The following LCP2 variants were observed in gnomAD, a reference collection of about 807,000 sequenced individuals.
LCP2 encodes the protein 76 kDa tyrosine phosphoprotein.
Under a neutral mutation model 74.5 loss-of-function variants are expected in LCP2, and 29 were observed. The ratio of observed to expected loss-of-function variants is 0.39; its 90% CI spans 0.29 to 0.53. The LOEUF (loss-of-function observed/expected upper bound fraction) is 0.53, where lower values mean the gene tolerates loss of function less well. LCP2 is among the 20% of genes least tolerant of loss of function. The probability of loss-of-function intolerance (pLI) is 0.72; values close to 1 mark genes in which losing one functional copy is unlikely to be tolerated. For synonymous variants in LCP2, 228 were observed against 229.5 expected (o/e 0.99, Z 0.06); for missense variants, 604 against 634.6 (o/e 0.95, Z 0.52).
At position 170,247,946 on chromosome 5, in the gene LCP2, A is replaced by G. The variant is rs1421217249; in HGVS notation, c.*751T>C. 6.6e-6 allele frequency: 1 copy of G among 152,214 alleles called. No homozygotes were observed. Among genetic ancestry groups the G allele is most frequent in the African/African-American group, 2.4e-5 (1 of 41,448 alleles). The allele number at this position is 152,214 out of a possible 1,614,324, so 9.4% of individuals were successfully genotyped here. A position where few individuals can be genotyped will look rare whatever the true frequency, so the allele number is the denominator to read the frequency against. ...AACCCCAGATGTGTTCATTAAACCT[A>G]GACCCACGATACACCAAAGTCTCAT... On this transcript the variant is annotated 3_prime_UTR_variant, in exon 21 of 21. Transcript: ENST00000046794.
At chr5:170,274,224 C>T in intron 6 of LCP2, 77 bp downstream of exon 6, 1 of 1,482,392 alleles carries the variant, frequency 6.7e-7, no homozygotes, top group South Asian at 1.2e-5. Flanking sequence ...CTTCACTTGG[C>T]TCCATCCTGG....
chr5:170,280,964 A>G (rs1220691507), intron 3 of LCP2, among the ~76,000 whole-genome samples: 1 of 152,192 alleles, frequency 6.6e-6, no homozygotes, highest in African/African-American at 2.4e-5. Context: ...AGATTGCGCC[A>G]CTGCACTCCA....
intron 6 of LCP2, among the ~76,000 whole-genome samples, chr5:170,272,592 ATTTTCTTTTTTTTTTTTT>A (rs1432515494): frequency 2.9e-5 from 1 of 34,312 alleles, no homozygotes; most frequent in Non-Finnish European, 6.8e-5. Context: ...CCCATCAAAT[ATTTTCTTTTTTTTTTTTT>A]TTTTTTTTTT....
intron 20 of LCP2, among the ~76,000 whole-genome samples, chr5:170,249,125 C>G (rs1337825717): frequency 1.3e-5 from 2 of 151,976 alleles, no homozygotes; most frequent in Non-Finnish European, 2.9e-5. Flanking sequence ...AGTTTGAGAC[C>G]AGCTTGACCA....
rs184907693 is a variant in LCP2 at position 170,274,543 on chromosome 5, G to A, written c.287-205C>T. ...GTGCTCATTCTACCAGAGAACCAGGGGGTGGCGATGGTTCTCAACCTTTCT... is the reference window on the plus strand; with the variant it reads ...GTGCTCATTCTACCAGAGAACCAGGAGGTGGCGATGGTTCTCAACCTTTCT... On this transcript the variant is annotated intron_variant, in intron 5 of 20. Coordinates refer to ENST00000046794, the MANE Select transcript of LCP2 (RefSeq NM_005565.5). Among the ~76,000 whole-genome samples the A allele has an allele frequency of 6.6e-3, 1,012 of 152,264 alleles. 6 individuals are homozygous for A. The highest frequency in any genetic ancestry group is 0.012 in the Admixed American group (178 of 15,284).
In LCP2 at chr5:170,275,337, C is replaced by A. The variant is rs779816058; in HGVS notation, c.269G>T (p.Arg90Leu). 1 of 1,613,978 alleles carries A rather than the reference C, an allele frequency of 6.2e-7. No homozygotes were observed. The highest frequency in any genetic ancestry group is 8.5e-7 in the Non-Finnish European group (1 of 1,179,874). Residue 90 changes from arginine (R) to leucine (L), a missense_variant, in exon 5 of 21, where the codon CGG becomes CTG. Transcript: ENST00000046794. The stretch of plus-strand genomic sequence containing the variant: ...AGCTTTACCTGTCTCTTCAGGAAAC[C>A]GCGGGACTTGGGGTCTGCAAAGGTA... ...SIFTRKPQVP[R>L]FPEETESHEE...
At position 170,297,688 on chromosome 5, in the gene LCP2, C is replaced by A. The variant is rs1461992200; in HGVS notation, c.-77G>T. ...TGGGCAGAGAAGCTCAAATCCAGAG[C>A]TCGGAGGCGTTCTTGGCTCTTCCAA... On this transcript the variant is annotated 5_prime_UTR_variant, in exon 1 of 21. Transcript: ENST00000046794. The A allele has an allele frequency of 5.4e-6, 7 of 1,298,118 alleles. No individual in the cohort carries two copies. In the African/African-American group the frequency reaches 8.8e-5, roughly 16 times the overall value. The allele number at this position is 1,298,118 out of a possible 1,614,324, so 80.4% of individuals were successfully genotyped here.
chr5:170,269,315 G>C (rs766462991), intron 7 of LCP2, among the ~76,000 whole-genome samples: 2 of 152,238 alleles, frequency 1.3e-5, no homozygotes, highest in Non-Finnish European at 2.9e-5. Context: ...TCAAGCAAGA[G>C]GGGTGAGTGG....
intron 16 of LCP2, among the ~76,000 whole-genome samples, chr5:170,257,658 A>G (rs1332140832): frequency 6.6e-6 from 1 of 152,128 alleles, no homozygotes; most frequent in Non-Finnish European, 1.5e-5. Flanking sequence ...CACGAGGCGC[A>G]TTTTCTCAGT....
Position 170,293,325 on chromosome 5 carries a change from A to G in LCP2, c.126T>C (p.Asp42=). Residue 42 remains aspartate (D), a synonymous_variant, in exon 2 of 21, where the codon GAT becomes GAC. Transcript: ENST00000046794. ...CAGAGCTTACCAAGAAGCGAGCCCCATCGATGTGGTACTTCTTCACTGCCT... is the reference window on the plus strand; with the variant it reads ...CAGAGCTTACCAAGAAGCGAGCCCCGTCGATGTGGTACTTCTTCACTGCCT... ...CEKAVKKYHI[D]GARFLNLTEN... is the part of the protein sequence containing the mutation. The G allele has an allele frequency of 1.9e-6, 3 of 1,607,862 alleles. No homozygotes were observed. Among genetic ancestry groups the G allele is most frequent in the Non-Finnish European group, 1.7e-6 (2 of 1,177,060 alleles).
intron 14 of LCP2, among the ~76,000 whole-genome samples, chr5:170,259,556 T>A (rs1302081003): frequency 2.0e-5 from 3 of 152,186 alleles, no homozygotes; most frequent in Admixed American, 2.0e-4. Flanking sequence ...CACCAACTAG[T>A]AGACCAAAAG....
Position 170,246,367 on chromosome 5 carries a change from G to A in LCP2, c.*2330C>T. On this transcript the variant is annotated 3_prime_UTR_variant, in exon 21 of 21. Transcript: ENST00000046794. ...CTTATGCTTGAATTTGGCTCAGGTT[G>A]AAAGAGAGCTACTAAATTATTAATT... 1 of 276,062 alleles carries A rather than the reference G, an allele frequency of 3.6e-6. No homozygotes were observed. 17.1% of individuals were successfully genotyped at this position (276,062 alleles called of 1,614,324 possible). A position where few individuals can be genotyped will look rare whatever the true frequency, so the allele number is the denominator to read the frequency against.
At chr5:170,297,469 C>A (rs573884329) in intron 1 of LCP2, 65 bp downstream of exon 1, 6 of 1,429,380 alleles carry the variant, frequency 4.2e-6, no homozygotes, top group Non-Finnish European at 4.8e-6. Context: ...ATTCCATCGT[C>A]AAGCCTCAGC....
chr5:170,284,864 C>T (rs1762157350), intron 3 of LCP2, among the ~76,000 whole-genome samples: 2 of 151,916 alleles, frequency 1.3e-5, no homozygotes, highest in Admixed American at 1.3e-4. Context: ...GATTCTCCTG[C>T]CTCAGCCTCT....
At chr5:170,250,109 G>A (rs1199778118) in intron 20 of LCP2, among the ~76,000 whole-genome samples, 1 of 152,158 alleles carries the variant, frequency 6.6e-6, no homozygotes, top group African/African-American at 2.4e-5. Context: ...CCTCCTCTTG[G>A]AACTTTGAAC....
At chr5:170,250,699 T>C (rs1248496046) in intron 20 of LCP2, 31 bp downstream of exon 20, 3 of 1,593,840 alleles carry the variant, frequency 1.9e-6, no homozygotes, top group East Asian at 2.2e-5. Context: ...AATAAAGACT[T>C]TGGGAAAATG....
At chr5:170,252,276 G>A in intron 19 of LCP2, 158 bp downstream of exon 19, 1 of 457,456 alleles carries the variant, frequency 2.2e-6, no homozygotes, top group Middle Eastern at 3.1e-4. Context: ...TATGGGTGCT[G>A]GTAGTTGTGA....
At chr5:170,279,425 T>G (rs1156484136) in intron 3 of LCP2, among the ~76,000 whole-genome samples, 2 of 152,180 alleles carry the variant, frequency 1.3e-5, no homozygotes, top group African/African-American at 4.8e-5. Context: ...CACTGTGTGA[T>G]CTCAGACAAG....
intron 3 of LCP2, among the ~76,000 whole-genome samples, chr5:170,278,831 G>T (rs1225084473): frequency 6.6e-6 from 1 of 152,140 alleles, no homozygotes. Context: ...AGCTGAGTGG[G>T]GGCAGAACAG....
Sources: gnomAD v4.1 joint callset for allele counts (sites outside exome capture counted in the v4.1 genomes callset) on GRCh38, gnomAD v4.1.1 for gene constraint, MANE v1.5 for transcripts, NCBI Gene and HGNC (gene_info 2026-07-23, HGNC 2026-07-21) for gene names.